Variants in CTNNBIP1 observed in about 807,000 individuals in gnomAD.
The protein encoded by CTNNBIP1 is catenin beta interacting protein 1.
Under a neutral mutation model 11.8 loss-of-function variants are expected in CTNNBIP1, and 7 were observed. The ratio of observed to expected loss-of-function variants is 0.60; its 90% CI spans 0.34 to 1.12. The LOEUF is 1.12. Among genes scored for constraint, CTNNBIP1 ranks in the 50% most tolerant of loss-of-function variants. The pLI, the probability that CTNNBIP1 is intolerant of heterozygous loss-of-function variation, is 0.03. For synonymous variants in CTNNBIP1, 58 were observed against 43.9 expected, an observed-to-expected ratio of 1.32 and a Z score of -1.26; for missense variants, 101 against 113.4, an observed-to-expected ratio of 0.89 and a Z score of 0.50.
At chr1:9,854,759 C>T (rs1464427757) in intron 5 of CTNNBIP1, among the ~76,000 whole-genome samples, 1 of 152,102 alleles carries the variant, frequency 6.6e-6, no homozygotes, top group African/African-American at 2.4e-5. Context: ...TGACTGCAAC[C>T]TCCGCCTCCC....
intron 3 of CTNNBIP1, among the ~76,000 whole-genome samples, chr1:9,873,118 G>A (rs771923453): frequency 3.3e-5 from 5 of 152,112 alleles, no homozygotes; most frequent in Admixed American, 2.0e-4. Context: ...GCCAGAGCCC[G>A]GGCAGCAGCC....
rs1638860959 is a variant in CTNNBIP1, at chr1:9,871,517, T to C, written c.97-240A>G. 6.6e-6 allele frequency among the ~76,000 whole-genome samples: 1 copy of C among 151,168 alleles called. No homozygotes were observed. The highest frequency in any genetic ancestry group is 2.1e-4 in the South Asian group (1 of 4,754). ...AGACTGAATCTGAGATTAAGGTCTG[T>C]TCTAGTATAGGGCCAGTGGAAGACA... On this transcript the variant is annotated intron_variant, in intron 4 of 5. Coordinates refer to ENST00000377263, the MANE Select transcript of CTNNBIP1 (RefSeq NM_020248.3). The surrounding 1 kb of genome is among the most constrained non-coding windows in gnomAD (Gnocchi z 5.2).
chr1:9,850,889 C>G, intron 5 of CTNNBIP1, 113 bp from the exon 6 acceptor site: 1 of 951,088 alleles, frequency 1.1e-6, no homozygotes, highest in Non-Finnish European at 1.7e-6. Flanking sequence ...GATCGCGGCA[C>G]TCTCTGAGGA....
intron 2 of CTNNBIP1, among the ~76,000 whole-genome samples, chr1:9,879,944 A>G (rs912953314): frequency 1.3e-5 from 2 of 152,174 alleles, no homozygotes; most frequent in African/African-American, 2.4e-5. Flanking sequence ...AAACAGCAGC[A>G]TATTTGCCAT....
intron 5 of CTNNBIP1, among the ~76,000 whole-genome samples, chr1:9,861,754 G>A (rs1261363884): frequency 2.0e-5 from 3 of 152,172 alleles, no homozygotes. Context: ...CCTAGGCTTG[G>A]GGTCCCTTGT....
At chr1:9,884,889 C>T (rs1455650198) in intron 1 of CTNNBIP1, among the ~76,000 whole-genome samples, 3 of 151,936 alleles carry the variant, frequency 2.0e-5, no homozygotes, top group Non-Finnish European at 2.9e-5. Flanking sequence ...ATGGTGGGGG[C>T]ACAGGGGCGG....
chr1:9,879,012 A>G (rs1639028821), intron 2 of CTNNBIP1, among the ~76,000 whole-genome samples: 2 of 152,148 alleles, frequency 1.3e-5, no homozygotes, highest in African/African-American at 4.8e-5. Flanking sequence ...CCTGGCCAAC[A>G]TAGTGAAACC....
At chr1:9,859,831 C>A (rs1467860611) in intron 5 of CTNNBIP1, among the ~76,000 whole-genome samples, 1 of 152,222 alleles carries the variant, frequency 6.6e-6, no homozygotes, top group African/African-American at 2.4e-5. Context: ...AACTTGGAAA[C>A]AGGCTGGTCC....
chr1:9,863,180 G>A (rs1638669567), intron 5 of CTNNBIP1, among the ~76,000 whole-genome samples: 2 of 152,110 alleles, frequency 1.3e-5, no homozygotes, highest in South Asian at 2.1e-4. Flanking sequence ...CACATTCCTC[G>A]CTTTTCTTGG....
intron 1 of CTNNBIP1, among the ~76,000 whole-genome samples, chr1:9,886,749 G>C (rs79566934): frequency 0.016 from 2,485 of 152,272 alleles, 32 homozygotes; most frequent in Non-Finnish European, 0.027. Flanking sequence ...AGGGGGACGG[G>C]GGGCAGAGGC....
chr1:9,852,080 C>A (rs987648370), intron 5 of CTNNBIP1, among the ~76,000 whole-genome samples: 1 of 152,154 alleles, frequency 6.6e-6, no homozygotes, highest in Non-Finnish European at 1.5e-5. Flanking sequence ...ACAGGAAAGG[C>A]CACCCGAGGG....
rs866163642 is a variant in CTNNBIP1, at chr1:9,904,100, C to T, written c.-144+5995G>A. ...CACTTTCTCATTTTCTAAATGAGCA[C>T]GTATCATTCTCATAGTAAGAAAACC... On this transcript the variant is annotated intron_variant, in intron 1 of 5. Coordinates refer to ENST00000377263, the MANE Select transcript of CTNNBIP1 (RefSeq NM_020248.3). 4.6e-5 allele frequency among the ~76,000 whole-genome samples: 7 copies of T among 152,270 alleles called. No homozygotes were observed. The South Asian group carries it at 1.0e-3, about 23-fold the overall frequency.
Position 9,891,516 on chromosome 1 carries a change from C to A in CTNNBIP1, c.-143-7778G>T, listed in dbSNP as rs572110539. Among the ~76,000 whole-genome samples the A allele has an allele frequency of 4.6e-4, 70 of 152,294 alleles. 1 individual carries two copies. The highest frequency in any genetic ancestry group is 2.1e-4 in the Non-Finnish European group (14 of 68,022). Reference sequence around the variant, plus strand: ...GATTAGGTCATTAAATCAATTGGATCGGCTGCAGGACTGTGCCCCCGGAAG... The same window carrying A: ...GATTAGGTCATTAAATCAATTGGATAGGCTGCAGGACTGTGCCCCCGGAAG... On this transcript the variant is annotated intron_variant, in intron 1 of 5. Transcript: ENST00000377263.
At chr1:9,858,630 G>A (rs1394799364) in intron 5 of CTNNBIP1, among the ~76,000 whole-genome samples, 1 of 152,172 alleles carries the variant, frequency 6.6e-6, no homozygotes, top group African/African-American at 2.4e-5. Flanking sequence ...TACTTCAGGT[G>A]AATGAGGTCT....
intron 5 of CTNNBIP1, among the ~76,000 whole-genome samples, chr1:9,864,215 G>A (rs188060325): frequency 6.6e-6 from 1 of 152,376 alleles, no homozygotes; most frequent in Admixed American, 6.5e-5. Context: ...AAGGGTGGCA[G>A]CAGACCAGGG....
At chr1:9,857,430 G>A (rs1165370442) in intron 5 of CTNNBIP1, among the ~76,000 whole-genome samples, 2 of 149,608 alleles carry the variant, frequency 1.3e-5, no homozygotes, top group Non-Finnish European at 3.0e-5. Flanking sequence ...GGCAGAGCTT[G>A]TAGTGAGCTG....
chr1:9,882,088 G>A (rs954977315), intron 2 of CTNNBIP1, among the ~76,000 whole-genome samples: 3 of 152,204 alleles, frequency 2.0e-5, no homozygotes, highest in Non-Finnish European at 4.4e-5. Context: ...ATAGGAAGTG[G>A]CAGAGCAAAG....
chr1:9,884,359 T>C (rs1027500998), intron 1 of CTNNBIP1, among the ~76,000 whole-genome samples: 1 of 152,054 alleles, frequency 6.6e-6, no homozygotes, highest in Non-Finnish European at 1.5e-5. Flanking sequence ...AGCACCATTG[T>C]AGACCCCACA....
chr1:9,857,566 C>T (rs564100350), intron 5 of CTNNBIP1, among the ~76,000 whole-genome samples: 35 of 151,870 alleles, frequency 2.3e-4, no homozygotes, highest in Non-Finnish European at 4.1e-4. Flanking sequence ...TTTGGGAGGC[C>T]GAGGCGGGCA....
Sources: allele counts gnomAD v4.1 joint callset (sites outside exome capture counted in the v4.1 genomes callset), GRCh38; gene constraint gnomAD v4.1.1; non-coding constraint Gnocchi (gnomAD v3.1); transcripts MANE v1.5; gene names NCBI Gene and HGNC (gene_info 2026-07-23, HGNC 2026-07-21).